SLC22A4: variants seen among roughly 807,000 people sequenced by gnomAD.
SLC22A4 encodes solute carrier family 22 member 4, also known as ET transporter.
A neutral mutation model predicts 56.6 loss-of-function variants in SLC22A4; 39 were observed. The ratio of observed to expected loss-of-function variants is 0.69; its 90% CI spans 0.53 to 0.90. The LOEUF is 0.90. Ranked by LOEUF, SLC22A4 falls within the 40% of genes least tolerant of loss-of-function variation. The pLI is 0.00. For synonymous variants in SLC22A4, 241 were observed against 281.4 expected, an observed-to-expected ratio of 0.86 and a Z score of 1.44; for missense variants, 594 against 696.5, an observed-to-expected ratio of 0.85 and a Z score of 1.66.
chr5:132,338,405 A>G (rs1356709776), intron 8 of SLC22A4, among the ~76,000 whole-genome samples: 3 of 152,206 alleles, frequency 2.0e-5, no homozygotes, highest in African/African-American at 7.2e-5. Flanking sequence ...TAAAATTGCT[A>G]ATGAAGTTTT....
At chr5:132,300,819 G>C (rs542846367) in intron 1 of SLC22A4, among the ~76,000 whole-genome samples, 1 of 152,230 alleles carries the variant, frequency 6.6e-6, no homozygotes, top group Non-Finnish European at 1.5e-5. Flanking sequence ...AGTTGAGCAG[G>C]AACGCAAGCA....
At chr5:132,338,119 T>A (rs943162434) in intron 8 of SLC22A4, among the ~76,000 whole-genome samples, 1 of 152,118 alleles carries the variant, frequency 6.6e-6, no homozygotes, top group Non-Finnish European at 1.5e-5. Flanking sequence ...CTTTTCTATT[T>A]TCCCTAAGTG....
At chr5:132,304,156 C>T (rs1009133821) in intron 1 of SLC22A4, among the ~76,000 whole-genome samples, 3 of 152,120 alleles carry the variant, frequency 2.0e-5, no homozygotes, top group Admixed American at 6.5e-5. Flanking sequence ...CAAAACAAAC[C>T]TTATAGATTT....
At chr5:132,328,903 G>GTATATATATATATATATA (rs753290785) in intron 5 of SLC22A4, among the ~76,000 whole-genome samples, 5 of 96,440 alleles carry the variant, frequency 5.2e-5, no homozygotes, top group African/African-American at 2.5e-4. Context: ...GTGTGTATGT[G>GTATATATATATATATATA]TATATATATA....
At chr5:132,305,110 T>C (rs1210485237) in intron 1 of SLC22A4, among the ~76,000 whole-genome samples, 1 of 152,104 alleles carries the variant, frequency 6.6e-6, no homozygotes, top group Non-Finnish European at 1.5e-5. Flanking sequence ...ATAGAACTTC[T>C]GGAGTAAAAG....
intron 6 of SLC22A4, among the ~76,000 whole-genome samples, chr5:132,333,271 G>A (rs752624214): frequency 6.6e-6 from 1 of 152,228 alleles, no homozygotes; most frequent in Non-Finnish European, 1.5e-5. Flanking sequence ...CAATTAACAA[G>A]AGCAAAGTCT....
At chr5:132,343,242 T>A (rs942132472) in intron 9 of SLC22A4, among the ~76,000 whole-genome samples, 48 of 152,330 alleles carry the variant, frequency 3.2e-4, no homozygotes, top group African/African-American at 1.2e-3. Context: ...ATCCCAAATC[T>A]ACTGCAAAAA....
Position 132,334,812 on chromosome 5 carries a change from G to A in SLC22A4, c.1141G>A (p.Glu381Lys). The change falls in exon 7 of 10, where the codon GAA becomes AAA. Residue 381 changes from glutamate (E) to lysine (K), a missense_variant. Glu to Lys is a moderately conservative substitution (Grantham distance 56). Transcript: ENST00000200652. ...GAACTGTTTCCTCTCTGCCTTGATT[G>A]AAATTCCAGCTTACATTACAGCCTG... ...YLNCFLSALIEIPAYITAWLL... is the reference protein window; with the variant it reads ...YLNCFLSALIKIPAYITAWLL... The A allele has an allele frequency of 2.5e-6, 4 of 1,613,978 alleles. No homozygotes were observed. The highest frequency in any genetic ancestry group is 3.4e-6 in the Non-Finnish European group (4 of 1,179,870).
chr5:132,294,487 C>A lies in SLC22A4; in HGVS notation c.-130C>A. 7.4e-7 allele frequency: 1 copy of A among 1,346,242 alleles called. No homozygotes were observed. Among genetic ancestry groups the A allele is most frequent in the Non-Finnish European group, 1.0e-6 (1 of 968,898 alleles). 83.4% of individuals were successfully genotyped at this position (1,346,242 alleles called of 1,614,324 possible). ...AGGAACGGTCCCCGGCTTCGCGCCC[C>A]AATTTCTAACAGCCTGCCTGTCCCC... On this transcript the variant is annotated 5_prime_UTR_variant, in exon 1 of 10. Transcript: ENST00000200652. The surrounding 1 kb of genome is among the most constrained non-coding windows in gnomAD (Gnocchi z 5.6).
rs1456371508 is a variant in SLC22A4 at position 132,310,193 on chromosome 5, G to T, written c.394-1968G>T. ...CACTGGTACAAGATTGGGTTCTGAGGCCCAAGTAGGTATCTATCATGCTCA... is the reference window on the plus strand; with the variant it reads ...CACTGGTACAAGATTGGGTTCTGAGTCCCAAGTAGGTATCTATCATGCTCA... On this transcript the variant is annotated intron_variant, in intron 1 of 9. Coordinates refer to ENST00000200652, the MANE Select transcript of SLC22A4 (RefSeq NM_003059.3). Among the ~76,000 whole-genome samples, 5 of 152,316 alleles carry T rather than the reference G, an allele frequency of 3.3e-5. No individual in the cohort carries two copies. The South Asian group carries it at 1.0e-3, about 32-fold the overall frequency.
intron 1 of SLC22A4, chr5:132,295,392 T>A: frequency 2.2e-6 from 1 of 455,190 alleles, no homozygotes; most frequent in Non-Finnish European, 4.4e-6. Context: ...AGGGACCTTG[T>A]TACTGGGCAG....
At position 132,331,765 on chromosome 5, in the gene SLC22A4, C is replaced by T; in HGVS notation, c.961C>T (p.Pro321Ser). ...VIFDSVEELN[P>S]LKQQKAFILD... is the part of the protein sequence containing the mutation. ...ATTATTTTGGTTACAGGAGCTAAAT[C>T]CCCTGAAGCAGCAGAAAGCTTTCAT... The change falls in exon 6 of 10, where the codon CCC becomes TCC. Residue 321 changes from proline to serine, a missense_variant. Physicochemically the swap from Pro to Ser is moderately conservative, Grantham distance 74. Coordinates refer to ENST00000200652, the MANE Select transcript of SLC22A4 (RefSeq NM_003059.3). 3.1e-6 allele frequency: 5 copies of T among 1,612,248 alleles called. No homozygotes were observed. Among genetic ancestry groups the T allele is most frequent in the Non-Finnish European group, 4.2e-6 (5 of 1,178,302 alleles).
chr5:132,308,988 T>C (rs922690766), intron 1 of SLC22A4, among the ~76,000 whole-genome samples: 3 of 152,212 alleles, frequency 2.0e-5, no homozygotes, highest in African/African-American at 7.2e-5. Context: ...GGGACAGGTC[T>C]GTCCCATCAA....
At chr5:132,314,280 C>A (rs1461517549) in intron 3 of SLC22A4, among the ~76,000 whole-genome samples, 1 of 152,208 alleles carries the variant, frequency 6.6e-6, no homozygotes, top group Non-Finnish European at 1.5e-5. Flanking sequence ...ACCCCAGAGC[C>A]TATCAGCTAA....
Position 132,312,282 on chromosome 5 carries a change from G to T in SLC22A4, c.497+18G>T, listed in dbSNP as rs1172155927. ...TCAGACAGGTAAGCACATGGGAGGG[G>T]AGGAAGGTGGGATGGTGCCCCTTGT... On this transcript the variant is annotated intron_variant, in intron 2 of 9. Transcript: ENST00000200652. 6.8e-7 allele frequency: 1 copy of T among 1,477,450 alleles called. No homozygotes were observed. The highest frequency in any genetic ancestry group is 9.5e-7 in the Non-Finnish European group (1 of 1,055,258). 91.5% of individuals were successfully genotyped at this position (1,477,450 alleles called of 1,614,324 possible).
intron 8 of SLC22A4, among the ~76,000 whole-genome samples, chr5:132,337,256 CA>C (rs2126740490): frequency 7.0e-6 from 1 of 143,788 alleles, no homozygotes; most frequent in East Asian, 2.1e-4. Flanking sequence ...ATCTCACCAA[CA>C]ATAAAGATTA....
At chr5:132,326,117 C>T (rs71583474) in intron 4 of SLC22A4, among the ~76,000 whole-genome samples, 11,685 of 152,270 alleles carry the variant, frequency 0.077, 576 homozygotes, top group East Asian at 0.27. Context: ...GTAACATTGC[C>T]TCTTCAATAA....
intron 6 of SLC22A4, 25 bp downstream of exon 6, chr5:132,331,875 G>GCATTTC: frequency 7.1e-7 from 1 of 1,399,168 alleles, no homozygotes; most frequent in Non-Finnish European, 1.0e-6. Flanking sequence ...ACCTGGAAAT[G>GCATTTC]CAGATATCCA....
chr5:132,301,926 T>G (rs1182509678), intron 1 of SLC22A4, among the ~76,000 whole-genome samples: 1 of 152,206 alleles, frequency 6.6e-6, no homozygotes, highest in Non-Finnish European at 1.5e-5. Flanking sequence ...AAGTCCATAC[T>G]CAGACCTGCC....
Sources: allele counts gnomAD v4.1 joint callset (sites outside exome capture counted in the v4.1 genomes callset), GRCh38; gene constraint gnomAD v4.1.1; non-coding constraint Gnocchi (gnomAD v3.1); transcripts MANE v1.5; gene names NCBI Gene and HGNC (gene_info 2026-07-23, HGNC 2026-07-21).